The following PCCB variants were observed in gnomAD, a reference collection of about 807,000 sequenced individuals.
The protein encoded by PCCB is propionyl-CoA carboxylase beta chain, mitochondrial.
In PCCB, 43 loss-of-function variants were observed where a neutral mutation model predicts 60.7. The observed-to-expected ratio is 0.71, with a 90% confidence interval of 0.55 to 0.91. PCCB has a LOEUF of 0.91. Ranked by LOEUF, PCCB falls within the 40% of genes least tolerant of loss-of-function variation. The pLI, the probability that PCCB is intolerant of heterozygous loss-of-function variation, is 0.00. For synonymous variants in PCCB, 276 were observed against 255.9 expected (o/e 1.08, Z -0.75); for missense variants, 766 against 702.8 (o/e 1.09, Z -1.02).
rs1167023950 is a variant in PCCB, at chr3:136,304,621, G to A, written c.966+3510G>A. On this transcript the variant is annotated intron_variant, in intron 9 of 14. Transcript: ENST00000251654. ...AGGATAGTCTCGATCTCCCGACCTC[G>A]TGATCTGCCCGCCTTGGCCTCCCAA... 7.7e-5 allele frequency among the ~76,000 whole-genome samples: 9 copies of A among 117,568 alleles called. 2 individuals are homozygous for A. Among genetic ancestry groups the A allele is most frequent in the Non-Finnish European group, 1.7e-4 (9 of 52,966 alleles). 77.1% of individuals were successfully genotyped at this position (117,568 alleles called of 152,430 possible).
intron 7 of PCCB, 113 bp downstream of exon 7, chr3:136,293,977 G>T (rs1183425676): frequency 1.4e-6 from 1 of 716,538 alleles, no homozygotes; most frequent in African/African-American, 1.7e-5. Flanking sequence ...ACCTTATTTG[G>T]GAAGACTGTG....
intron 5 of PCCB, among the ~76,000 whole-genome samples, chr3:136,278,104 G>T (rs1336829149): frequency 6.6e-6 from 1 of 152,120 alleles, no homozygotes; most frequent in East Asian, 1.9e-4. Context: ...GCTTACCTTG[G>T]TCTGCACTGG....
intron 8 of PCCB, among the ~76,000 whole-genome samples, chr3:136,299,498 GTGTA>G (rs1296547585): frequency 1.3e-4 from 19 of 148,238 alleles, no homozygotes; most frequent in African/African-American, 3.1e-4. Context: ...GTATATGCAT[GTGTA>G]TGTATAGGTA....
rs777815165 is a variant in PCCB at position 136,283,842 on chromosome 3, T to C, written c.549T>C (p.Asn183=). 2 of 1,609,870 alleles carry C rather than the reference T, an allele frequency of 1.2e-6. No individual in the cohort carries two copies. Among genetic ancestry groups the C allele is most frequent in the Non-Finnish European group, 8.5e-7 (1 of 1,176,164 alleles). The stretch of plus-strand genomic sequence containing the variant: ...TTGCTTTTCTGTTTTGGCAGAGGAA[T>C]GTTACGGCATCCGGAGTCATCCCTC... ...LAGYADIFLR[N]VTASGVIPQI... The change falls in exon 6 of 15, where the codon AAT becomes AAC. Residue 183 remains asparagine (N), a synonymous_variant. Transcript: ENST00000251654.
intron 5 of PCCB, among the ~76,000 whole-genome samples, chr3:136,268,124 A>ATG (rs1240983978): frequency 7.6e-6 from 1 of 132,086 alleles, no homozygotes; most frequent in Non-Finnish European, 1.6e-5. Context: ...ATATATATGT[A>ATG]TATATATATA....
chr3:136,254,518 CTTTTTTTTTTTTTTT>C (rs3994953), intron 1 of PCCB, among the ~76,000 whole-genome samples: 631 of 45,970 alleles, frequency 0.014, 19 homozygotes, highest in African/African-American at 0.052. Context: ...CTGCGGCTAG[CTTTTTTTTTTTTTTT>C]TTTTTTTTTT....
At chr3:136,290,599 G>A (rs546256942) in intron 6 of PCCB, among the ~76,000 whole-genome samples, 1 of 146,742 alleles carries the variant, frequency 6.8e-6, no homozygotes, top group South Asian at 2.2e-4. Flanking sequence ...GGCTCACATG[G>A]TCTTCCTGCC....
intron 6 of PCCB, among the ~76,000 whole-genome samples, chr3:136,289,376 C>T (rs1316882227): frequency 6.6e-6 from 1 of 152,204 alleles, no homozygotes; most frequent in Non-Finnish European, 1.5e-5. Context: ...ACCCCTTTAT[C>T]ATTATGCAGA....
chr3:136,311,148 G>A (rs1280144984), intron 9 of PCCB, among the ~76,000 whole-genome samples: 1 of 152,086 alleles, frequency 6.6e-6, no homozygotes, highest in Admixed American at 6.6e-5. Flanking sequence ...AGGTGATATA[G>A]TATTGTAGTA....
intron 9 of PCCB, among the ~76,000 whole-genome samples, chr3:136,316,162 G>A (rs749040514): frequency 1.3e-4 from 19 of 151,656 alleles, no homozygotes; most frequent in Admixed American, 3.9e-4. Flanking sequence ...CGAGGCTGCA[G>A]TGAGCCATAA....
chr3:136,264,364 G>A (rs1263520089), intron 5 of PCCB, among the ~76,000 whole-genome samples: 1 of 150,860 alleles, frequency 6.6e-6, no homozygotes, highest in East Asian at 1.9e-4. Flanking sequence ...TATAGTGTGT[G>A]CTCTGGGCAT....
intron 4 of PCCB, among the ~76,000 whole-genome samples, 164 bp downstream of exon 4, chr3:136,260,699 G>A (rs1048417117): frequency 6.6e-6 from 1 of 152,164 alleles, no homozygotes; most frequent in African/African-American, 2.4e-5. Flanking sequence ...TTCGTACCAT[G>A]GATCTCTTCC....
chr3:136,295,553 G>C (rs1447845924), intron 7 of PCCB, among the ~76,000 whole-genome samples: 1 of 152,222 alleles, frequency 6.6e-6, no homozygotes, highest in Non-Finnish European at 1.5e-5. Context: ...ATTGGCAGCA[G>C]CCTGTTTTTC....
At chr3:136,277,610 G>A (rs1942365111) in intron 5 of PCCB, among the ~76,000 whole-genome samples, 1 of 152,134 alleles carries the variant, frequency 6.6e-6, no homozygotes, top group South Asian at 2.1e-4. Flanking sequence ...TGAGGGTTGG[G>A]GGGGCGGTTC....
At chr3:136,257,108 C>G (rs1207951003) in intron 3 of PCCB, among the ~76,000 whole-genome samples, 1 of 152,182 alleles carries the variant, frequency 6.6e-6, no homozygotes, top group Non-Finnish European at 1.5e-5. Context: ...CCAAAGCTAT[C>G]AATATGTTAT....
chr3:136,265,425 C>G (rs1298501083), intron 5 of PCCB, among the ~76,000 whole-genome samples: 1 of 152,166 alleles, frequency 6.6e-6, no homozygotes, highest in East Asian at 1.9e-4. Context: ...TTCCATCTGA[C>G]TCCTTTCACT....
intron 5 of PCCB, among the ~76,000 whole-genome samples, chr3:136,282,647 C>G (rs548464150): frequency 3.9e-4 from 60 of 152,088 alleles, no homozygotes; most frequent in Non-Finnish European, 6.6e-4. Flanking sequence ...TTAATTATTG[C>G]TTTATACAGT....
At chr3:136,325,025 T>C (rs535778490) in intron 10 of PCCB, among the ~76,000 whole-genome samples, 2 of 152,218 alleles carry the variant, frequency 1.3e-5, no homozygotes, top group South Asian at 2.1e-4. Flanking sequence ...CTGAGGTAGA[T>C]GGGATTACAG....
chr3:136,282,720 T>A (rs1284647959), intron 5 of PCCB, among the ~76,000 whole-genome samples: 5 of 152,212 alleles, frequency 3.3e-5, no homozygotes, highest in African/African-American at 4.8e-5. Context: ...ATCACATATT[T>A]ATCATTTTCA....
Sources: gnomAD v4.1 joint callset for allele counts (sites outside exome capture counted in the v4.1 genomes callset) on GRCh38, gnomAD v4.1.1 for gene constraint, MANE v1.5 for transcripts, NCBI Gene and HGNC (gene_info 2026-07-23, HGNC 2026-07-21) for gene names.